PTPRD: variants seen among roughly 807,000 people sequenced by gnomAD.
PTPRD encodes protein tyrosine phosphatase receptor type D.
In PTPRD, 34 loss-of-function variants were observed where a neutral mutation model predicts 214.5. The ratio of observed to expected loss-of-function variants is 0.16; its 90% CI spans 0.12 to 0.21. The LOEUF (loss-of-function observed/expected upper bound fraction) is 0.21, where lower values mean the gene tolerates loss of function less well. PTPRD is among the 10% of genes least tolerant of loss of function. PTPRD has a pLI of 1.00. For missense variants in PTPRD, 2,545 were observed against 2,398.7 expected (o/e 1.06, Z -1.27); for synonymous variants, 1,128 against 845.7 (o/e 1.33, Z -5.79).
intron 10 of PTPRD, among the ~76,000 whole-genome samples, chr9:9,133,291 T>TA (rs1335951468): frequency 6.6e-6 from 1 of 152,182 alleles, no homozygotes; most frequent in Non-Finnish European, 1.5e-5. Context: ...AGGTTATTCT[T>TA]ACGATGTTCC....
intron 5 of PTPRD, among the ~76,000 whole-genome samples, chr9:9,863,727 G>C (rs919521874): frequency 6.6e-5 from 10 of 151,732 alleles, no homozygotes; most frequent in Non-Finnish European, 1.5e-4. Flanking sequence ...AGAGACATAA[G>C]ACAGAATTGT....
At chr9:8,376,554 T>A in intron 38 of PTPRD, 53 bp downstream of exon 38, 1 of 1,609,524 alleles carries the variant, frequency 6.2e-7, no homozygotes, top group Non-Finnish European at 8.5e-7. Context: ...CAAAAGAAGC[T>A]TTCTTTAAAC....
At chr9:8,320,527 C>T (rs1171154100) in intron 44 of PTPRD, among the ~76,000 whole-genome samples, 1 of 151,960 alleles carries the variant, frequency 6.6e-6, no homozygotes, top group African/African-American at 2.4e-5. Flanking sequence ...ACGTGATTTT[C>T]ACTTAGTCTT....
At chr9:9,893,585 A>C (rs747890354) in intron 5 of PTPRD, among the ~76,000 whole-genome samples, 5 of 152,162 alleles carry the variant, frequency 3.3e-5, no homozygotes, top group Non-Finnish European at 1.5e-5. Context: ...CTGAATAGCT[A>C]GTATTGAATA....
intron 2 of PTPRD, among the ~76,000 whole-genome samples, chr9:10,409,756 G>A (rs557513667): frequency 6.6e-6 from 1 of 151,832 alleles, no homozygotes; most frequent in South Asian, 2.1e-4. Context: ...ATGTTATATT[G>A]CTTTCAAGGT....
intron 2 of PTPRD, among the ~76,000 whole-genome samples, chr9:10,494,967 A>AT (rs2041598487): frequency 6.6e-6 from 1 of 151,782 alleles, no homozygotes; most frequent in Non-Finnish European, 1.5e-5. Flanking sequence ...ATCACTAAAA[A>AT]TCTGTCTTAA....
chr9:8,539,211 A>G (rs1290001135), intron 14 of PTPRD, among the ~76,000 whole-genome samples: 1 of 152,078 alleles, frequency 6.6e-6, no homozygotes, highest in African/African-American at 2.4e-5. Context: ...GAGAAATAGT[A>G]TCTTTACATA....
intron 3 of PTPRD, among the ~76,000 whole-genome samples, chr9:10,244,868 G>A (rs534243574): frequency 1.3e-5 from 2 of 152,152 alleles, no homozygotes; most frequent in African/African-American, 4.8e-5. Context: ...ACTTTTCTAA[G>A]CCCAAGGCAT....
intron 3 of PTPRD, among the ~76,000 whole-genome samples, chr9:10,268,981 C>T (rs2094263269): frequency 6.6e-6 from 1 of 152,162 alleles, no homozygotes; most frequent in Admixed American, 6.5e-5. Flanking sequence ...GTAGCGCCCT[C>T]CAGTGTCACA....
Position 9,700,969 on chromosome 9 carries a change from G to C in PTPRD, c.-287+33564C>G, listed in dbSNP as rs543156581. On this transcript the variant is annotated intron_variant, in intron 7 of 45. Coordinates refer to ENST00000381196, the MANE Select transcript of PTPRD (RefSeq NM_002839.4). ...TAGAAATGTGTGCAAAGAGTTGTAGGAACTCAGAGAAACGAGTACTTCATT... is the reference window on the plus strand; with the variant it reads ...TAGAAATGTGTGCAAAGAGTTGTAGCAACTCAGAGAAACGAGTACTTCATT... 1.5e-4 allele frequency among the ~76,000 whole-genome samples: 23 copies of C among 151,800 alleles called. 1 individual carries two copies. The highest frequency in any genetic ancestry group is 3.3e-4 in the Admixed American group (5 of 15,238).
At chr9:9,443,846 T>C (rs1254793463) in intron 8 of PTPRD, among the ~76,000 whole-genome samples, 1 of 152,240 alleles carries the variant, frequency 6.6e-6, no homozygotes. Flanking sequence ...CTGCTAAGTT[T>C]ACAGTGTATT....
At chr9:9,391,060 G>A (rs1433859248) in intron 9 of PTPRD, among the ~76,000 whole-genome samples, 1 of 152,148 alleles carries the variant, frequency 6.6e-6, no homozygotes, top group Non-Finnish European at 1.5e-5. Context: ...ACTGCATTAA[G>A]TGCACTAATT....
intron 14 of PTPRD, among the ~76,000 whole-genome samples, chr9:8,557,512 G>T (rs2141081978): frequency 6.8e-6 from 1 of 147,768 alleles, no homozygotes; most frequent in African/African-American, 2.6e-5. Flanking sequence ...GGAGGCCAAT[G>T]TGGGCGGATC....
chr9:9,432,355 G>A (rs2083530472), intron 8 of PTPRD, among the ~76,000 whole-genome samples: 2 of 152,066 alleles, frequency 1.3e-5, no homozygotes, highest in Admixed American at 1.3e-4. Flanking sequence ...AGGTTAAAAT[G>A]TACTTTGCAT....
chr9:9,384,641 C>T (rs183589387), intron 9 of PTPRD, among the ~76,000 whole-genome samples: 103 of 151,796 alleles, frequency 6.8e-4, no homozygotes, highest in Non-Finnish European at 1.4e-3. Flanking sequence ...TGCTTTCTTA[C>T]CCTGGTTGTT....
In PTPRD at chr9:8,636,852, A is replaced by G. The variant is rs2154328493; in HGVS notation, c.65-8T>C. 2 of 1,610,986 alleles carry G rather than the reference A, an allele frequency of 1.2e-6. No homozygotes were observed. The highest frequency in any genetic ancestry group is 1.7e-6 in the Non-Finnish European group (2 of 1,177,644). On this transcript the variant is annotated splice_region_variant and splice_polypyrimidine_tract_variant and intron_variant, in intron 12 of 45. Coordinates refer to ENST00000381196, the MANE Select transcript of PTPRD (RefSeq NM_002839.4). ...GTGTAAACCTTGGAGGTGCTGAAATAAAAAATAAACATCACAGTTAAATTG... is the reference window on the plus strand; with the variant it reads ...GTGTAAACCTTGGAGGTGCTGAAATGAAAAATAAACATCACAGTTAAATTG...
chr9:9,932,851 G>A (rs1023940341), intron 5 of PTPRD, among the ~76,000 whole-genome samples: 1 of 129,628 alleles, frequency 7.7e-6, no homozygotes, highest in African/African-American at 2.8e-5. Flanking sequence ...CCCTCAAAGG[G>A]AAGCCCATCA....
intron 5 of PTPRD, among the ~76,000 whole-genome samples, chr9:9,913,591 A>C (rs1010650960): frequency 6.6e-6 from 1 of 152,120 alleles, no homozygotes; most frequent in African/African-American, 2.4e-5. Flanking sequence ...AGGCACCCAG[A>C]ATCTGCAGAC....
intron 14 of PTPRD, among the ~76,000 whole-genome samples, chr9:8,581,674 G>C (rs149555142): frequency 6.6e-6 from 1 of 151,996 alleles, no homozygotes; most frequent in Non-Finnish European, 1.5e-5. Context: ...CGTGAACCCA[G>C]AGGCAAAGCT....
Sources: allele counts gnomAD v4.1 joint callset (sites outside exome capture counted in the v4.1 genomes callset), GRCh38; gene constraint gnomAD v4.1.1; transcripts MANE v1.5; gene names NCBI Gene and HGNC (gene_info 2026-07-23, HGNC 2026-07-21).